CSMD2: variants seen among roughly 807,000 people sequenced by gnomAD.
CSMD2 encodes CUB and Sushi multiple domains 2.
A neutral mutation model predicts 398.5 loss-of-function variants in CSMD2; 130 were observed. The ratio of observed to expected loss-of-function variants is 0.33; its 90% CI spans 0.28 to 0.38. The LOEUF (loss-of-function observed/expected upper bound fraction) is 0.38, where lower values mean the gene tolerates loss of function less well. Ranked by LOEUF, CSMD2 falls within the 10% of genes least tolerant of loss-of-function variation. The pLI is 1.00. For synonymous variants in CSMD2, 1,828 were observed against 1,908.5 expected, an observed-to-expected ratio of 0.96 and a Z score of 1.10; for missense variants, 3,829 against 4,764.9, an observed-to-expected ratio of 0.80 and a Z score of 5.78.
intron 65 of CSMD2, among the ~76,000 whole-genome samples, chr1:33,526,734 C>G (rs1654810761): frequency 6.6e-6 from 1 of 152,194 alleles, no homozygotes; most frequent in Non-Finnish European, 1.5e-5. Flanking sequence ...GTAGAAGGTT[C>G]ATGAAAGGAT....
At chr1:33,923,951 A>C (rs527476561) in intron 4 of CSMD2, among the ~76,000 whole-genome samples, 37 of 152,300 alleles carry the variant, frequency 2.4e-4, no homozygotes, top group Admixed American at 2.4e-3. Context: ...GTTGGGGACC[A>C]CTGACCTAAC....
At chr1:34,128,977 C>T (rs938995874) in intron 1 of CSMD2, among the ~76,000 whole-genome samples, 2 of 146,546 alleles carry the variant, frequency 1.4e-5, no homozygotes, top group Non-Finnish European at 3.0e-5. Context: ...CAGAAACAGA[C>T]GTCCACGTCC....
chr1:33,631,487 T>C (rs571308591), intron 32 of CSMD2, among the ~76,000 whole-genome samples: 64 of 152,234 alleles, frequency 4.2e-4, no homozygotes, highest in Admixed American at 1.2e-3. Context: ...GTAAGCAGTA[T>C]TATGAAGAGT....
chr1:33,585,410 C>T (rs887602263), intron 46 of CSMD2, among the ~76,000 whole-genome samples: 2 of 152,176 alleles, frequency 1.3e-5, no homozygotes, highest in African/African-American at 2.4e-5. Flanking sequence ...GGGCTGGGCT[C>T]CTAGAGTCTT....
At chr1:33,545,454 T>C (rs911984263) in intron 57 of CSMD2, among the ~76,000 whole-genome samples, 8 of 152,236 alleles carry the variant, frequency 5.3e-5, no homozygotes, top group Non-Finnish European at 1.5e-5. Context: ...TCCCTTAGAC[T>C]GTAAGCCCCA....
At chr1:33,661,213 G>A (rs990804553) in intron 26 of CSMD2, among the ~76,000 whole-genome samples, 16 of 152,138 alleles carry the variant, frequency 1.1e-4, no homozygotes, top group Admixed American at 7.9e-4. Flanking sequence ...CTTTTAAGCC[G>A]CACCCATCAG....
At chr1:33,622,332 T>A in intron 36 of CSMD2, 61 bp from the exon 37 acceptor site, 1 of 1,214,818 alleles carries the variant, frequency 8.2e-7, no homozygotes, top group East Asian at 2.3e-5. Context: ...CTTGCATTCC[T>A]CCCCATTCCT....
chr1:33,743,717 AGTGGCACAAGG>A, intron 13 of CSMD2, 111 bp from the exon 14 acceptor site: 1 of 793,698 alleles, frequency 1.3e-6, no homozygotes, highest in African/African-American at 1.7e-5. Context: ...AGAAAGAAAG[AGTGGCACAAGG>A]GTTGGGCTGG....
rs571930223 is a variant in CSMD2 at position 33,855,478 on chromosome 1, T to C, written c.921-8482A>G. Among the ~76,000 whole-genome samples the C allele has an allele frequency of 2.2e-4, 33 of 152,216 alleles. No individual in the cohort carries two copies. In the South Asian group the frequency reaches 6.6e-3, roughly 31 times the overall value. On this transcript the variant is annotated intron_variant, in intron 5 of 70. Transcript: ENST00000373381. ...CCCAGGGGAGATTTGGGAAATGGTG[T>C]CCTAGCATCATTTCTTCCACTTCTG...
intron 2 of CSMD2, among the ~76,000 whole-genome samples, chr1:34,041,902 C>T (rs995223463): frequency 2.0e-5 from 3 of 152,184 alleles, no homozygotes; most frequent in Admixed American, 1.3e-4. Flanking sequence ...GAGCGTGCCA[C>T]CTCTCAAGTT....
chr1:33,751,802 T>C (rs1478040288), intron 13 of CSMD2, among the ~76,000 whole-genome samples: 1 of 151,866 alleles, frequency 6.6e-6, no homozygotes, highest in African/African-American at 2.4e-5. Flanking sequence ...TTTTTTTGTA[T>C]TTTTAGTAGA....
At chr1:33,981,308 C>T (rs1018471448) in intron 3 of CSMD2, among the ~76,000 whole-genome samples, 3 of 152,182 alleles carry the variant, frequency 2.0e-5, no homozygotes, top group Non-Finnish European at 4.4e-5. Context: ...TTCATAAGCA[C>T]TTTCTCAGCT....
chr1:34,078,896 T>C (rs1656732299), intron 2 of CSMD2, among the ~76,000 whole-genome samples: 1 of 152,218 alleles, frequency 6.6e-6, no homozygotes, highest in South Asian at 2.1e-4. Flanking sequence ...CCTTTCTTTT[T>C]CTTACTCCCA....
At chr1:33,701,274 T>C (rs1196011069) in intron 22 of CSMD2, among the ~76,000 whole-genome samples, 2 of 152,176 alleles carry the variant, frequency 1.3e-5, no homozygotes, top group Admixed American at 1.3e-4. Context: ...AAATGAGGGC[T>C]CCAGCTAGGG....
In CSMD2 at chr1:33,624,474, G is replaced by A. The variant is rs760513371; in HGVS notation, c.5625+45C>T. The A allele has an allele frequency of 6.2e-7, 1 of 1,605,526 alleles. No homozygotes were observed. Among genetic ancestry groups the A allele is most frequent in the East Asian group, 2.2e-5 (1 of 44,738 alleles). Reference sequence around the variant, plus strand: ...TTGTCACCTGTGAGCTGTTACCTGGGAGCAGACGGCCACCTGCCCGACCGA... The same window carrying A: ...TTGTCACCTGTGAGCTGTTACCTGGAAGCAGACGGCCACCTGCCCGACCGA... On this transcript the variant is annotated intron_variant, in intron 35 of 70. Transcript: ENST00000373381. This position sits in a 1 kb window ranked among gnomAD's most constrained non-coding sequence, Gnocchi z 4.7.
At chr1:33,560,717 CA>C (rs1658461944) in intron 53 of CSMD2, among the ~76,000 whole-genome samples, 1 of 152,250 alleles carries the variant, frequency 6.6e-6, no homozygotes, top group South Asian at 2.1e-4. Context: ...GCAACCAACA[CA>C]CCACAGCACT....
At chr1:33,598,704 A>C (rs1383264017) in intron 44 of CSMD2, 1 of 116,358 alleles carries the variant, frequency 8.6e-6, no homozygotes, top group African/African-American at 3.5e-5. Flanking sequence ...GGAGTTTCAC[A>C]CTTGTTGCCC....
chr1:33,813,612 A>G (rs1657105017), intron 9 of CSMD2, among the ~76,000 whole-genome samples: 2 of 147,318 alleles, frequency 1.4e-5, no homozygotes, highest in South Asian at 2.1e-4. Flanking sequence ...TCCTCTGGAC[A>G]TTATCATATA....
chr1:34,076,406 A>T (rs1457023730), intron 2 of CSMD2, among the ~76,000 whole-genome samples: 1 of 152,164 alleles, frequency 6.6e-6, no homozygotes. Flanking sequence ...GCATTTGGGG[A>T]CAGATAATTA....
Sources: allele counts gnomAD v4.1 joint callset (sites outside exome capture counted in the v4.1 genomes callset), GRCh38; gene constraint gnomAD v4.1.1; non-coding constraint Gnocchi (gnomAD v3.1); transcripts MANE v1.5; gene names NCBI Gene and HGNC (gene_info 2026-07-23, HGNC 2026-07-21).